Variants in NEBL observed in about 807,000 individuals in gnomAD.
NEBL encodes LIM and SH3 protein 2.
In NEBL, 122 loss-of-function variants were observed where a neutral mutation model predicts 140.2. The observed-to-expected ratio is 0.87, with a 90% CI of 0.75 to 1.01. The LOEUF (loss-of-function observed/expected upper bound fraction) is 1.01. Among genes scored for constraint, NEBL ranks in the 50% least tolerant of loss-of-function variants. The pLI is 0.00. For missense variants in NEBL, 1,365 were observed against 1,231.3 expected (o/e 1.11, Z -1.62); for synonymous variants, 436 against 398.9 (o/e 1.09, Z -1.11).
intron 7 of NEBL, chr10:20,868,273 A>G (rs988184387): frequency 6.4e-5 from 10 of 155,996 alleles, no homozygotes; most frequent in Non-Finnish European, 1.3e-4. Flanking sequence ...GCACTTGAAA[A>G]TTGGGAAAAT....
intron 11 of NEBL, among the ~76,000 whole-genome samples, chr10:20,849,870 A>G (rs1411706906): frequency 1.3e-5 from 2 of 152,202 alleles, no homozygotes; most frequent in Non-Finnish European, 2.9e-5. Context: ...CAGTAGACAC[A>G]TTCTTAATCT....
At chr10:20,828,785 T>A in intron 16 of NEBL, 151 bp from the exon 17 acceptor site, 1 of 585,540 alleles carries the variant, frequency 1.7e-6, no homozygotes, top group African/African-American at 1.9e-5. Context: ...GAGAGAGAGG[T>A]GGAGAGACAG....
intron 2 of NEBL, among the ~76,000 whole-genome samples, chr10:21,073,159 GA>G (rs1184487541): frequency 6.6e-6 from 1 of 152,024 alleles, no homozygotes; most frequent in Non-Finnish European, 1.5e-5. Context: ...CCCAACCCTG[GA>G]AAAATGTCTT....
chr10:20,909,275 C>T (rs1848230510), intron 4 of NEBL, among the ~76,000 whole-genome samples: 1 of 150,588 alleles, frequency 6.6e-6, no homozygotes. Flanking sequence ...TTTAACAGTT[C>T]CTACCTCCCC....
rs1840427020 is a variant in NEBL, at chr10:20,831,574, T to C, written c.1459A>G (p.Lys487Glu). 5 of 1,602,478 alleles carry C rather than the reference T, an allele frequency of 3.1e-6. No individual in the cohort carries two copies. The highest frequency in any genetic ancestry group is 4.3e-6 in the Non-Finnish European group (5 of 1,170,128). The change falls in exon 15 of 28, where the codon AAA (lysine) becomes GAA (glutamate). Residue 487 changes from lysine (K) to glutamate (E), a missense_variant. Coordinates refer to ENST00000377122, the MANE Select transcript of NEBL (RefSeq NM_006393.3). ...TTAATTTCAGTCTCCAGATCTCTTT[T>C]ATAGTCTTTCTGCAGAAAATGAAAC... ...AAEIASEKDY[K>E]RDLETEIKGK...
chr10:20,908,653 T>C (rs1848200496), intron 4 of NEBL, among the ~76,000 whole-genome samples: 2 of 152,142 alleles, frequency 1.3e-5, no homozygotes, highest in Non-Finnish European at 2.9e-5. Flanking sequence ...AATTTTTAAT[T>C]AAAAAACAAT....
At chr10:21,110,784 TTTAAGAACAGTCAGG>T in intron 2 of NEBL, 1 of 551,022 alleles carries the variant, frequency 1.8e-6, no homozygotes, top group Non-Finnish European at 3.5e-6. Flanking sequence ...ACCAATTATC[TTTAAGAACAGTCAGG>T]TTAGGGACTC....
At chr10:21,079,977 AATAAGTCTTACGCT>A (rs1836292637) in intron 2 of NEBL, among the ~76,000 whole-genome samples, 1 of 152,236 alleles carries the variant, frequency 6.6e-6, no homozygotes, top group South Asian at 2.1e-4. Flanking sequence ...ACTGTATATC[AATAAGTCTTACGCT>A]ATTGCTTTGA....
At position 20,893,871 on chromosome 10, in the gene NEBL, G is replaced by A. The variant is rs117907421; in HGVS notation, c.153+3087C>T. Among the ~76,000 whole-genome samples, 1,172 of 152,300 alleles carry A rather than the reference G, an allele frequency of 7.7e-3. 11 individuals carry two copies. Among genetic ancestry groups the A allele is most frequent in the South Asian group, 0.02 (96 of 4,826 alleles). ...AAAGATGATGGGTCCTAAGCTATCA[G>A]CTACAGGTCAGAAATTAGGAATGAA... On this transcript the variant is annotated intron_variant, in intron 2 of 27. Coordinates refer to ENST00000377122, the MANE Select transcript of NEBL (RefSeq NM_006393.3).
rs34974511 is a variant in NEBL, at chr10:21,243,298, C to CT, written n.348+4622dup. Among the ~76,000 whole-genome samples, 856 of 122,548 alleles carry CT rather than the reference C, an allele frequency of 7.0e-3. 9 individuals carry two copies. Among genetic ancestry groups the CT allele is most frequent in the Middle Eastern group, 0.013 (3 of 236 alleles). The allele number at this position is 122,548 out of a possible 152,430, so 80.4% of individuals were successfully genotyped here. On this transcript the variant is annotated intron_variant and non_coding_transcript_variant, in intron 3 of 8. Coordinates refer to the NEBL transcript ENST00000675702. Reference sequence around the variant, plus strand: ...AAATTCCCCTGGGTGATTGAGCATTCTTTTTTTTTTTTTTTTTTTTTGAGT... The same window carrying CT: ...AAATTCCCCTGGGTGATTGAGCATTCTTTTTTTTTTTTTTTTTTTTTTGAGT...
chr10:20,896,456 T>C (rs979915358), intron 2 of NEBL, among the ~76,000 whole-genome samples: 3 of 137,688 alleles, frequency 2.2e-5, no homozygotes, highest in East Asian at 2.1e-4. Context: ...AATCAACAAA[T>C]CCTGAATTGT....
At chr10:21,233,438 T>C (rs1168995009) in intron 3 of NEBL, among the ~76,000 whole-genome samples, 1 of 151,972 alleles carries the variant, frequency 6.6e-6, no homozygotes, top group African/African-American at 2.4e-5. Context: ...GTACTTATAA[T>C]TTGGGAAGGA....
chr10:21,263,702 C>T (rs113064929), intron 1 of NEBL, among the ~76,000 whole-genome samples: 4,710 of 152,248 alleles, frequency 0.031, 248 homozygotes, highest in African/African-American at 0.11. Flanking sequence ...CAGTGGCTCA[C>T]GCCTGTAATC....
intron 9 of NEBL, among the ~76,000 whole-genome samples, chr10:20,853,696 T>G (rs1056707261): frequency 6.6e-6 from 1 of 152,104 alleles, no homozygotes; most frequent in African/African-American, 2.4e-5. Flanking sequence ...GCTGAACTTA[T>G]GAAGACAGAG....
intron 16 of NEBL, among the ~76,000 whole-genome samples, chr10:20,830,339 A>AT (rs1318344681): frequency 1.3e-5 from 2 of 152,022 alleles, no homozygotes; most frequent in African/African-American, 4.8e-5. Flanking sequence ...CATTCCTTCT[A>AT]TTTTTTTCCA....
intron 3 of NEBL, among the ~76,000 whole-genome samples, chr10:21,011,545 G>A (rs1481482564): frequency 6.6e-6 from 1 of 152,138 alleles, no homozygotes; most frequent in Non-Finnish European, 1.5e-5. Flanking sequence ...AGAAAGCCTG[G>A]GACCCATGCC....
At chr10:21,072,251 C>T (rs1422399688) in intron 2 of NEBL, among the ~76,000 whole-genome samples, 3 of 152,116 alleles carry the variant, frequency 2.0e-5, no homozygotes, top group Non-Finnish European at 4.4e-5. Flanking sequence ...CTCCTCATAG[C>T]CCTCCCTTCT....
chr10:20,849,824 C>T (rs979688653), intron 11 of NEBL, among the ~76,000 whole-genome samples: 1 of 152,258 alleles, frequency 6.6e-6, no homozygotes, highest in East Asian at 1.9e-4. Flanking sequence ...AAAACATTAA[C>T]ATTTACTGGA....
intron 3 of NEBL, among the ~76,000 whole-genome samples, chr10:21,192,696 T>G (rs1841592227): frequency 6.6e-6 from 1 of 151,068 alleles, no homozygotes; most frequent in South Asian, 2.1e-4. Context: ...AATACAAAAA[T>G]TAGCTGGGCA....
Sources: allele counts gnomAD v4.1 joint callset (sites outside exome capture counted in the v4.1 genomes callset), GRCh38; gene constraint gnomAD v4.1.1; transcripts MANE v1.5; gene names NCBI Gene and HGNC (gene_info 2026-07-23, HGNC 2026-07-21).